Variants in OR1J2 observed in about 807,000 individuals in gnomAD.
OR1J2 encodes olfactory receptor family 1 subfamily J member 2.
For synonymous variants in OR1J2, 142 were observed against 99.7 expected (o/e 1.42, Z -2.52); for missense variants, 304 against 246.1 (o/e 1.24, Z -1.57).
the OR1J2 span, among the ~76,000 whole-genome samples, chr9:122,455,966 A>C: frequency 6.6e-6 from 1 of 152,204 alleles, no homozygotes; most frequent in African/African-American, 2.4e-5. Flanking sequence ...TCTCCATTGA[A>C]TGGTCTTAGC....
chr9:122,477,884 G>A, the OR1J2 span: 3 of 1,611,624 alleles, frequency 1.9e-6, no homozygotes, highest in African/African-American at 2.7e-5. Context: ...GGGAGGCCCA[G>A]GAGGAGGAAC....
the OR1J2 span, among the ~76,000 whole-genome samples, chr9:122,493,499 A>T: frequency 6.6e-5 from 10 of 152,240 alleles, no homozygotes; most frequent in South Asian, 2.1e-4. Flanking sequence ...AATGGTGTTC[A>T]TAGTATCCTT....
At chr9:122,544,183 T>A in the OR1J2 span, among the ~76,000 whole-genome samples, 1 of 151,860 alleles carries the variant, frequency 6.6e-6, no homozygotes, top group African/African-American at 2.4e-5. Flanking sequence ...AGATTAAAAT[T>A]TTTTTAAATT....
the OR1J2 span, chr9:122,568,738 C>G: frequency 2.7e-6 from 1 of 371,650 alleles, no homozygotes; most frequent in South Asian, 6.5e-5. Context: ...CAGAAGTGGA[C>G]TCCTCTAATT....
In OR1J2 at chr9:122,511,001, C is replaced by T; in HGVS notation, c.200C>T (p.Ala67Val). 1 of 1,606,268 alleles carries T rather than the reference C, an allele frequency of 6.2e-7. No individual in the cohort carries two copies. Among genetic ancestry groups the T allele is most frequent in the East Asian group, 2.2e-5 (1 of 44,858 alleles). ...TPMYFFLSHLALTDISFSSVT... is the reference protein window; with the variant it reads ...TPMYFFLSHLVLTDISFSSVT... ...ATGTACTTCTTCCTCAGCCACTTGG[C>T]TCTCACTGACATCTCCTTTTCATCT... is the stretch of plus-strand genomic sequence containing the variant. Residue 67 changes from alanine to valine, a missense_variant, in exon 1 of 1, where the codon GCT becomes GTT. Coordinates refer to ENST00000335302, the MANE Select transcript of OR1J2 (RefSeq NM_054107.1).
At chr9:122,569,303 A>G in the OR1J2 span, among the ~76,000 whole-genome samples, 1 of 152,086 alleles carries the variant, frequency 6.6e-6, no homozygotes, top group Non-Finnish European at 1.5e-5. Context: ...TTAAGTGTTA[A>G]ATCTGTTTTT....
the OR1J2 span, among the ~76,000 whole-genome samples, chr9:122,517,501 C>T: frequency 9.3e-3 from 1,421 of 152,308 alleles, 20 homozygotes; most frequent in African/African-American, 0.033. Flanking sequence ...TTAACCTGTA[C>T]AAAGCTCTTC....
chr9:122,448,514 G>A, the OR1J2 span, among the ~76,000 whole-genome samples: 17 of 152,208 alleles, frequency 1.1e-4, no homozygotes, highest in East Asian at 1.5e-3. Context: ...CTTCACGGGC[G>A]TCAGGCTGGG....
the OR1J2 span, chr9:122,553,913 T>C: frequency 6.2e-7 from 1 of 1,613,954 alleles, no homozygotes; most frequent in Non-Finnish European, 8.5e-7. Context: ...TCTCATCTCC[T>C]GGAGGGAGAT....
At chr9:122,549,880 T>C in the OR1J2 span, among the ~76,000 whole-genome samples, 2 of 152,206 alleles carry the variant, frequency 1.3e-5, no homozygotes, top group Admixed American at 1.3e-4. Flanking sequence ...TAGGATTTTT[T>C]TCTAATTCTA....
chr9:122,566,890 G>A, the OR1J2 span, among the ~76,000 whole-genome samples: 2 of 152,086 alleles, frequency 1.3e-5, no homozygotes, highest in East Asian at 1.9e-4. Context: ...TAATTTCCAT[G>A]TTATCCCTTG....
the OR1J2 span, among the ~76,000 whole-genome samples, chr9:122,478,530 AAC>A: frequency 6.6e-6 from 1 of 152,154 alleles, no homozygotes; most frequent in African/African-American, 2.4e-5. Flanking sequence ...TTTAAGACAT[AAC>A]ACTTTATTTA....
chr9:122,575,453 CCATT>C, the OR1J2 span, among the ~76,000 whole-genome samples: 4 of 151,814 alleles, frequency 2.6e-5, no homozygotes, highest in Admixed American at 1.3e-4. Context: ...AAGAATTTGT[CCATT>C]CATTTAGGTT....
chr9:122,476,138 AC>A, the OR1J2 span, among the ~76,000 whole-genome samples: 10 of 152,320 alleles, frequency 6.6e-5, no homozygotes, highest in African/African-American at 2.4e-4. Context: ...TTGTCACTGA[AC>A]ATCTGTATGT....
chr9:122,551,695 C>A, the OR1J2 span, among the ~76,000 whole-genome samples: 360 of 152,194 alleles, frequency 2.4e-3, 1 homozygote, highest in Non-Finnish European at 4.3e-3. Context: ...GTCCTCAGCT[C>A]CCCTAGGATC....
chr9:122,485,472 TG>T, the OR1J2 span, among the ~76,000 whole-genome samples: 1 of 152,344 alleles, frequency 6.6e-6, no homozygotes, highest in Middle Eastern at 3.4e-3. Context: ...GGGTTAGTTT[TG>T]TTTTCTAAGT....
the OR1J2 span, among the ~76,000 whole-genome samples, chr9:122,531,555 T>C: frequency 6.6e-6 from 1 of 152,160 alleles, no homozygotes; most frequent in African/African-American, 2.4e-5. Flanking sequence ...GGGCTGTACC[T>C]TGTAGCATTC....
the OR1J2 span, among the ~76,000 whole-genome samples, chr9:122,480,155 C>G: frequency 6.6e-6 from 1 of 151,766 alleles, no homozygotes. Flanking sequence ...CAGCTTGTTA[C>G]AAATAATAAA....
the OR1J2 span, among the ~76,000 whole-genome samples, chr9:122,505,084 T>C: frequency 6.6e-6 from 1 of 152,182 alleles, no homozygotes; most frequent in African/African-American, 2.4e-5. Context: ...CTCCAAGTTA[T>C]ATAAAGTTGT....
Sources: gnomAD v4.1 joint callset for allele counts (sites outside exome capture counted in the v4.1 genomes callset) on GRCh38, gnomAD v4.1.1 for gene constraint, MANE v1.5 for transcripts, NCBI Gene and HGNC (gene_info 2026-07-23, HGNC 2026-07-21) for gene names.